The following CDC123 variants were observed in gnomAD, a reference collection of about 807,000 sequenced individuals.
The protein encoded by CDC123 is cell division cycle 123.
Under a neutral mutation model 54.4 loss-of-function variants are expected in CDC123, and 37 were observed. The observed-to-expected ratio is 0.68, with a 90% CI of 0.52 to 0.89. CDC123 has a LOEUF of 0.89. Among genes scored for constraint, CDC123 ranks in the 40% least tolerant of loss-of-function variants. The probability of loss-of-function intolerance (pLI) is 0.00; values close to 1 mark genes in which losing one functional copy is unlikely to be tolerated. For synonymous variants in CDC123, 144 were observed against 136.8 expected (o/e 1.05, Z -0.37); for missense variants, 361 against 412.1 (o/e 0.88, Z 1.07).
At chr10:12,220,845 C>T (rs986207023) in intron 6 of CDC123, among the ~76,000 whole-genome samples, 6 of 151,912 alleles carry the variant, frequency 3.9e-5, no homozygotes, top group South Asian at 4.1e-4. Flanking sequence ...GGCGTGGTGG[C>T]GGGCGCCTGC....
intron 10 of CDC123, among the ~76,000 whole-genome samples, chr10:12,239,943 G>A (rs1836034355): frequency 6.7e-6 from 1 of 150,116 alleles, no homozygotes; most frequent in Non-Finnish European, 1.5e-5. Context: ...GGGAGGCGGA[G>A]CTTGCAGTGA....
At chr10:12,220,074 G>C (rs527917872) in intron 6 of CDC123, among the ~76,000 whole-genome samples, 1 of 152,118 alleles carries the variant, frequency 6.6e-6, no homozygotes, top group Non-Finnish European at 1.5e-5. Flanking sequence ...CTCGTGATCC[G>C]CCCGCCTTGG....
intron 6 of CDC123, among the ~76,000 whole-genome samples, chr10:12,228,022 A>C (rs1383198824): frequency 1.3e-5 from 2 of 151,924 alleles, no homozygotes; most frequent in Non-Finnish European, 2.9e-5. Flanking sequence ...TGCAGCCTCA[A>C]ACTCCGGAGC....
Position 12,205,435 on chromosome 10 carries a change from A to G in CDC123, c.147-4532A>G, listed in dbSNP as rs147511289. 4.4e-3 allele frequency among the ~76,000 whole-genome samples: 667 copies of G among 152,356 alleles called. 4 individuals are homozygous for G. The highest frequency in any genetic ancestry group is 0.01 in the Middle Eastern group (3 of 294). On this transcript the variant is annotated intron_variant, in intron 2 of 12. Coordinates refer to ENST00000281141, the MANE Select transcript of CDC123 (RefSeq NM_006023.3). ...CCCTAAGATATCTCATATATATGCA[A>G]ATACTCCAAAATCCCAAACACTTTT... is the stretch of plus-strand genomic sequence containing the variant.
chr10:12,237,090 T>C, intron 8 of CDC123, 54 bp from the exon 9 acceptor site: 2 of 1,452,094 alleles, frequency 1.4e-6, no homozygotes, highest in Non-Finnish European at 1.8e-6. Context: ...CACGTATTGA[T>C]GTTTTTGAAA....
At chr10:12,212,632 T>C (rs13377109) in intron 4 of CDC123, among the ~76,000 whole-genome samples, 6,810 of 152,222 alleles carry the variant, frequency 0.045, 504 homozygotes, top group African/African-American at 0.15. Context: ...GCCAGCATGC[T>C]TAGCTCCCAA....
At chr10:12,219,367 CTG>C (rs977569373) in intron 6 of CDC123, among the ~76,000 whole-genome samples, 6 of 151,598 alleles carry the variant, frequency 4.0e-5, no homozygotes, top group African/African-American at 1.2e-4. Context: ...GTGTCTGTGT[CTG>C]TGTGTGTGTG....
At chr10:12,241,996 G>T (rs1023225936) in intron 10 of CDC123, among the ~76,000 whole-genome samples, 1 of 152,118 alleles carries the variant, frequency 6.6e-6, no homozygotes, top group Non-Finnish European at 1.5e-5. Context: ...GGGATTTCCC[G>T]GTCTTTCTCA....
chr10:12,242,968 T>C (rs1382941411), intron 10 of CDC123, among the ~76,000 whole-genome samples: 1 of 151,880 alleles, frequency 6.6e-6, no homozygotes, highest in African/African-American at 2.4e-5. Context: ...AAAATCCTGA[T>C]CCTGATCCTC....
rs371991491 is a variant in CDC123 at position 12,237,283 on chromosome 10, T to C, written c.688+17T>C. ...ATGAAGACTGTGAGTATTTTTTTAT[T>C]GATCCAGTAAAATGAAATGAAATAT... is the stretch of plus-strand genomic sequence containing the variant. On this transcript the variant is annotated intron_variant, in intron 9 of 12. Coordinates refer to ENST00000281141, the MANE Select transcript of CDC123 (RefSeq NM_006023.3). The C allele has an allele frequency of 8.8e-5, 134 of 1,528,876 alleles. No individual in the cohort carries two copies. The highest frequency in any genetic ancestry group is 1.1e-4 in the Non-Finnish European group (128 of 1,143,650). 94.7% of individuals were successfully genotyped at this position (1,528,876 alleles called of 1,614,324 possible).
chr10:12,225,647 T>C (rs1835800635), intron 6 of CDC123, among the ~76,000 whole-genome samples: 1 of 151,646 alleles, frequency 6.6e-6, no homozygotes, highest in Non-Finnish European at 1.5e-5. Flanking sequence ...TAATGAACTT[T>C]AGAAATCACC....
Position 12,246,149 on chromosome 10 carries a change from G to T in CDC123, c.718G>T (p.Gly240Trp). ...TGTTTTTTCTCTCTCTGTGCTACAG[G>T]GGAAGGTGTGGCTCATTGACTTTAA... is the stretch of plus-strand genomic sequence containing the variant. Reference protein sequence around the residue: ...FVFDIYRDSRGKVWLIDFNPF... With the variant: ...FVFDIYRDSRWKVWLIDFNPF... The change falls in exon 11 of 13, where the codon GGG (glycine) becomes TGG (tryptophan). Residue 240 changes from glycine to tryptophan, a missense_variant and splice_region_variant. Gly to Trp is a radical substitution (Grantham distance 184, BLOSUM62 -2). Coordinates refer to ENST00000281141, the MANE Select transcript of CDC123 (RefSeq NM_006023.3). 6.2e-7 allele frequency: 1 copy of T among 1,613,750 alleles called. No individual in the cohort carries two copies. The highest frequency in any genetic ancestry group is 1.1e-5 in the South Asian group (1 of 90,996).
In CDC123 at chr10:12,200,119, C is replaced by CCTTTTTT. The variant is rs1564431631; in HGVS notation, c.146+1343_146+1344insCTTTTTT. Among the ~76,000 whole-genome samples, 80 of 24,268 alleles carry CCTTTTTT rather than the reference C, an allele frequency of 3.3e-3. 4 individuals carry two copies. The highest frequency in any genetic ancestry group is 0.025 in the Middle Eastern group (1 of 40). The allele number at this position is 24,268 out of a possible 152,430, so 15.9% of individuals were successfully genotyped here. A position where few individuals can be genotyped will look rare whatever the true frequency, so the allele number is the denominator to read the frequency against. ...TATAGGCCTGAGCCACCGCACTCGG[C>CCTTTTTT]ATTTTTTTTTTTTTTTTTTTTTTTA... On this transcript the variant is annotated intron_variant, in intron 2 of 12. Coordinates refer to ENST00000281141, the MANE Select transcript of CDC123 (RefSeq NM_006023.3).
At chr10:12,233,648 A>G (rs1220713539) in intron 7 of CDC123, among the ~76,000 whole-genome samples, 8 of 152,146 alleles carry the variant, frequency 5.3e-5, no homozygotes, top group Non-Finnish European at 1.2e-4. Context: ...GGCTTTTAAT[A>G]GATAAGAACT....
At chr10:12,249,914 CAG>C (rs1443920051) in intron 12 of CDC123, 196 bp downstream of exon 12, 21 of 707,496 alleles carry the variant, frequency 3.0e-5, no homozygotes, top group Non-Finnish European at 3.7e-5. Flanking sequence ...ATTAGAATGA[CAG>C]AAAATGTTTT....
intron 2 of CDC123, among the ~76,000 whole-genome samples, chr10:12,209,111 T>C (rs1285555998): frequency 6.6e-6 from 1 of 152,232 alleles, no homozygotes; most frequent in Non-Finnish European, 1.5e-5. Context: ...GTTCAGAGTC[T>C]AGATGATTCT....
intron 2 of CDC123, among the ~76,000 whole-genome samples, chr10:12,200,596 A>G (rs1835427309): frequency 6.6e-6 from 1 of 152,094 alleles, no homozygotes; most frequent in African/African-American, 2.4e-5. Flanking sequence ...CCCTGGCCAG[A>G]TGTTTGCATG....
chr10:12,213,187 C>G (rs1835625018), intron 4 of CDC123, among the ~76,000 whole-genome samples: 1 of 152,146 alleles, frequency 6.6e-6, no homozygotes, highest in Non-Finnish European at 1.5e-5. Context: ...TATCTTCACC[C>G]AAATTACTTA....
At chr10:12,231,970 C>T (rs61848333) in intron 7 of CDC123, among the ~76,000 whole-genome samples, 25,415 of 151,978 alleles carry the variant, frequency 0.17, 2,246 homozygotes, top group East Asian at 0.33. Flanking sequence ...CTCAGCCTCC[C>T]GAGTAGCTGG....
Sources: gnomAD v4.1 joint callset for allele counts (sites outside exome capture counted in the v4.1 genomes callset) on GRCh38, gnomAD v4.1.1 for gene constraint, MANE v1.5 for transcripts, NCBI Gene and HGNC (gene_info 2026-07-23, HGNC 2026-07-21) for gene names.